SH3KBP1: variants seen among roughly 807,000 people sequenced by gnomAD.
SH3KBP1 encodes the protein SH3 domain-containing kinase-binding protein 1.
Under a neutral mutation model 50.1 loss-of-function variants are expected in SH3KBP1, and 8 were observed. That is an observed-to-expected ratio of 0.16 (90% CI 0.09 to 0.29). The LOEUF (loss-of-function observed/expected upper bound fraction) is 0.29. SH3KBP1 is among the 10% of genes least tolerant of loss of function. The pLI is 1.00. For synonymous variants in SH3KBP1, 227 were observed against 218.6 expected, an observed-to-expected ratio of 1.04 and a Z score of -0.34; for missense variants, 377 against 535.2, an observed-to-expected ratio of 0.70 and a Z score of 2.92.
In SH3KBP1 at chrX:19,543,658, G is replaced by A. The variant is rs187061478; in HGVS notation, c.1624-1465C>T. Among the ~76,000 whole-genome samples, 4 of 111,690 alleles carry A rather than the reference G, an allele frequency of 3.6e-5. No homozygotes were observed. In the East Asian group the frequency reaches 1.1e-3, roughly 32 times the overall value. ...ATGCGGAAGCCTCAGGGGGAGGTGG[G>A]ATCAGGGAAGGGTTCTGTTCACTTT... On this transcript the variant is annotated intron_variant, in intron 15 of 17. Coordinates refer to ENST00000397821, the MANE Select transcript of SH3KBP1 (RefSeq NM_031892.3).
chrX:19,735,434 T>C (rs58236966), intron 3 of SH3KBP1, among the ~76,000 whole-genome samples: 1,738 of 110,142 alleles, frequency 0.016, 33 homozygotes, highest in African/African-American at 0.054. Context: ...TTTTTGTACA[T>C]AGGCATTTGC....
At chrX:19,721,659 T>A (rs1442033021) in intron 3 of SH3KBP1, among the ~76,000 whole-genome samples, 1 of 111,242 alleles carries the variant, frequency 9.0e-6, no homozygotes, top group Non-Finnish European at 1.9e-5. Flanking sequence ...ACAGGTTCCA[T>A]GGAAATTTTT....
intron 2 of SH3KBP1, among the ~76,000 whole-genome samples, chrX:19,786,477 G>A (rs1203994854): frequency 8.9e-6 from 1 of 112,080 alleles, no homozygotes; most frequent in Non-Finnish European, 1.9e-5. Context: ...CATTCTCTGG[G>A]CAAATGCAAA....
chrX:19,550,219 G>A (rs2065200382), intron 13 of SH3KBP1, 136 bp from the exon 14 acceptor site: 4 of 461,047 alleles, frequency 8.7e-6, no homozygotes, highest in African/African-American at 2.5e-5. Context: ...GGCTGTTTAC[G>A]TCCTTTGGTC....
At chrX:19,702,752 C>T (rs1369313686) in intron 4 of SH3KBP1, among the ~76,000 whole-genome samples, 1 of 112,052 alleles carries the variant, frequency 8.9e-6, no homozygotes, top group African/African-American at 3.2e-5. Context: ...CCTTCAAATG[C>T]CATTTCTCCT....
Position 19,594,324 on chromosome X carries a change from C to T in SH3KBP1, c.1057+625G>A, listed in dbSNP as rs1370274789. Among the ~76,000 whole-genome samples, 3 of 111,748 alleles carry T rather than the reference C, an allele frequency of 2.7e-5. No individual in the cohort carries two copies. The Admixed American group carries it at 2.8e-4, about 11-fold the overall frequency. On this transcript the variant is annotated intron_variant, in intron 10 of 17. Transcript: ENST00000397821. ...GAGAATCCAGTGTGAAACAAGCTAC[C>T]AAATGTTCAACATCAATTCTTCCTA...
intron 6 of SH3KBP1, among the ~76,000 whole-genome samples, chrX:19,656,921 G>A (rs1280784271): frequency 8.9e-6 from 1 of 112,026 alleles, no homozygotes; most frequent in Non-Finnish European, 1.9e-5. Flanking sequence ...TTAGTCAAAT[G>A]TCTCCAAAAA....
rs1405485127 is a variant in SH3KBP1 at position 19,876,462 on chromosome X, T to C, written c.4+10845A>G. ...CCAGATCAGCTGAGCCTCAGGACAA[T>C]AGAGCAGTCTCCTGGAGAACTTTTC... On this transcript the variant is annotated intron_variant, in intron 1 of 17. Coordinates refer to ENST00000397821, the MANE Select transcript of SH3KBP1 (RefSeq NM_031892.3). 2.7e-5 allele frequency among the ~76,000 whole-genome samples: 3 copies of C among 111,421 alleles called. No individual in the cohort carries two copies. The Admixed American group carries it at 2.9e-4, about 11-fold the overall frequency.
chrX:19,735,734 G>C (rs1296886313), intron 3 of SH3KBP1, among the ~76,000 whole-genome samples: 3 of 70,526 alleles, frequency 4.3e-5, no homozygotes, highest in Non-Finnish European at 5.4e-5. Flanking sequence ...CGGGGGGGGG[G>C]GGTGGGGGGG....
intron 3 of SH3KBP1, among the ~76,000 whole-genome samples, chrX:19,726,472 C>T (rs2064224435): frequency 9.0e-6 from 1 of 110,956 alleles, no homozygotes; most frequent in African/African-American, 3.3e-5. Context: ...CATTAAGGTC[C>T]TAATTCTTTT....
chrX:19,828,676 T>G (rs2067767699), intron 2 of SH3KBP1, among the ~76,000 whole-genome samples: 1 of 107,041 alleles, frequency 9.3e-6, no homozygotes, highest in Non-Finnish European at 1.9e-5. Context: ...CCTAGCTACT[T>G]GGGAGGCTGT....
chrX:19,855,068 T>C (rs145289126), intron 1 of SH3KBP1, among the ~76,000 whole-genome samples: 2,527 of 111,165 alleles, frequency 0.023, 84 homozygotes, highest in African/African-American at 0.078. Context: ...CTCTGCCTCC[T>C]GGGTTCAAGC....
chrX:19,582,954 C>A (rs2066422188), intron 12 of SH3KBP1, among the ~76,000 whole-genome samples: 1 of 110,095 alleles, frequency 9.1e-6, no homozygotes, highest in Non-Finnish European at 1.9e-5. Flanking sequence ...CTGCCCTGCC[C>A]CTCAGGTTTC....
At chrX:19,690,354 G>A (rs1420620842) in intron 5 of SH3KBP1, among the ~76,000 whole-genome samples, 3 of 111,231 alleles carry the variant, frequency 2.7e-5, no homozygotes, top group Non-Finnish European at 5.7e-5. Context: ...CACCACACCT[G>A]GCCTCCATCT....
chrX:19,579,585 T>A lies in SH3KBP1; in HGVS notation c.1298+9058A>T, dbSNP rs377244028. 8.0e-5 allele frequency among the ~76,000 whole-genome samples: 9 copies of A among 112,270 alleles called. No individual in the cohort carries two copies. In the East Asian group the frequency reaches 8.5e-4, roughly 11 times the overall value. ...CTGTTTCACTGCCTGATTCTGGCCA[T>A]CAGTGGCAGGAAAATCCATGTGACT... On this transcript the variant is annotated intron_variant, in intron 12 of 17. Transcript: ENST00000397821.
At chrX:19,669,890 A>AT (rs35848210) in intron 6 of SH3KBP1, among the ~76,000 whole-genome samples, 19,803 of 102,371 alleles carry the variant, frequency 0.19, 1,744 homozygotes, top group African/African-American at 0.3. Flanking sequence ...TGGCCACGCT[A>AT]TTTTTTTTTT....
At chrX:19,666,975 C>G (rs2062615196) in intron 6 of SH3KBP1, among the ~76,000 whole-genome samples, 1 of 112,332 alleles carries the variant, frequency 8.9e-6, no homozygotes, top group Non-Finnish European at 1.9e-5. Context: ...AATAGATAAA[C>G]AAAATGCATT....
chrX:19,735,728 G>T (rs1207627700), intron 3 of SH3KBP1, among the ~76,000 whole-genome samples: 2 of 73,839 alleles, frequency 2.7e-5, no homozygotes, highest in Non-Finnish European at 5.2e-5. Context: ...TTTTGGCGGG[G>T]GGGGGGGGTG....
At chrX:19,699,317 G>A (rs894644496) in intron 4 of SH3KBP1, among the ~76,000 whole-genome samples, 2 of 112,415 alleles carry the variant, frequency 1.8e-5, no homozygotes, top group South Asian at 3.6e-4. Flanking sequence ...TAGGGATTAC[G>A]AATACCACAC....
Sources: gnomAD v4.1 joint callset for allele counts (sites outside exome capture counted in the v4.1 genomes callset) on GRCh38, gnomAD v4.1.1 for gene constraint, MANE v1.5 for transcripts, NCBI Gene and HGNC (gene_info 2026-07-23, HGNC 2026-07-21) for gene names.